CMSS1: variants seen among roughly 807,000 people sequenced by gnomAD.
CMSS1 encodes protein CMSS1.
In CMSS1, 33 loss-of-function variants were observed where a neutral mutation model predicts 43.5. That is an observed-to-expected ratio of 0.76 (90% CI 0.57 to 1.01). The LOEUF is 1.01. Among genes scored for constraint, CMSS1 ranks in the 50% least tolerant of loss-of-function variants. The probability of loss-of-function intolerance (pLI) is 0.00; values close to 1 mark genes in which losing one functional copy is unlikely to be tolerated. For synonymous variants in CMSS1, 115 were observed against 117.2 expected, an observed-to-expected ratio of 0.98 and a Z score of 0.12; for missense variants, 313 against 326.4, an observed-to-expected ratio of 0.96 and a Z score of 0.32.
chr3:100,032,930 C>G (rs1218019428), intron 1 of CMSS1, among the ~76,000 whole-genome samples: 1 of 152,072 alleles, frequency 6.6e-6, no homozygotes, highest in African/African-American at 2.4e-5. Flanking sequence ...GTATTATTCT[C>G]CTGTTGAAAA....
At chr3:100,116,610 G>C (rs1442345135) in intron 1 of CMSS1, among the ~76,000 whole-genome samples, 3 of 152,144 alleles carry the variant, frequency 2.0e-5, no homozygotes, top group Admixed American at 2.0e-4. Context: ...TAATAGGCTA[G>C]GAAACACAAA....
At chr3:99,858,443 C>T (rs929341631) in intron 1 of CMSS1, among the ~76,000 whole-genome samples, 7 of 151,650 alleles carry the variant, frequency 4.6e-5, no homozygotes, top group South Asian at 2.1e-4. Flanking sequence ...CCAGCCTGGG[C>T]GACACAGCAA....
At chr3:100,054,475 A>G (rs1351369226) in intron 1 of CMSS1, among the ~76,000 whole-genome samples, 1 of 145,884 alleles carries the variant, frequency 6.9e-6, no homozygotes. Flanking sequence ...TTCGTTCATT[A>G]TATTATGTTA....
intron 1 of CMSS1, among the ~76,000 whole-genome samples, chr3:99,824,771 G>A (rs1047507883): frequency 2.6e-5 from 4 of 152,168 alleles, no homozygotes; most frequent in South Asian, 2.1e-4. Context: ...TATAAATTAC[G>A]TTTGGAAAGA....
At chr3:100,041,548 T>C (rs1313586230) in intron 1 of CMSS1, among the ~76,000 whole-genome samples, 2 of 152,060 alleles carry the variant, frequency 1.3e-5, no homozygotes, top group African/African-American at 4.8e-5. Context: ...ATTACACACT[T>C]CAACAGGAAT....
chr3:99,983,393 T>A lies in CMSS1; in HGVS notation c.65-163580T>A, dbSNP rs868687922. The stretch of plus-strand genomic sequence containing the variant: ...TACTTAAAAAATAAATAAATAAATA[T>A]ATATATATATATATATATATATATA... On this transcript the variant is annotated intron_variant, in intron 1 of 9. Transcript: ENST00000421999. Among the ~76,000 whole-genome samples, 845 of 86,718 alleles carry A rather than the reference T, an allele frequency of 9.7e-3. 25 individuals carry two copies. The highest frequency in any genetic ancestry group is 0.041 in the African/African-American group (768 of 18,712). 56.9% of individuals were successfully genotyped at this position (86,718 alleles called of 152,430 possible).
Position 99,994,532 on chromosome 3 carries a change from A to G in CMSS1, c.65-152441A>G, listed in dbSNP as rs560439499. On this transcript the variant is annotated intron_variant, in intron 1 of 9. Transcript: ENST00000421999. ...TTTAAAAATCAAAATCATATCAAAT[A>G]TCTTCTCAGAACACAATGGAAAAAG... 1.1e-4 allele frequency among the ~76,000 whole-genome samples: 17 copies of G among 152,360 alleles called. No homozygotes were observed. The East Asian group carries it at 3.3e-3, about 29-fold the overall frequency.
rs746319011 is a variant in CMSS1 at position 100,179,395 on chromosome 3, T to C, written c.*1007T>C. The C allele has an allele frequency of 7.0e-6, 1 of 142,610 alleles. No individual in the cohort carries two copies. Among genetic ancestry groups the C allele is most frequent in the Admixed American group, 6.7e-5 (1 of 14,912 alleles). The allele number at this position is 142,610 out of a possible 1,614,324, so 8.8% of individuals were successfully genotyped here. ...TCCTTCCACCTATGAGCCTGTAAAATAAAAAACAAGTTAGTCATTTCCAAG... is the reference window on the plus strand; with the variant it reads ...TCCTTCCACCTATGAGCCTGTAAAACAAAAAACAAGTTAGTCATTTCCAAG... On this transcript the variant is annotated 3_prime_UTR_variant, in exon 10 of 10. Coordinates refer to ENST00000421999, the MANE Select transcript of CMSS1 (RefSeq NM_032359.4).
chr3:99,882,961 T>C (rs1559674925), intron 1 of CMSS1, among the ~76,000 whole-genome samples: 1 of 152,240 alleles, frequency 6.6e-6, no homozygotes, highest in Non-Finnish European at 1.5e-5. Flanking sequence ...ACTTTTAATA[T>C]AAATTTCTGT....
At position 99,865,582 on chromosome 3, in the gene CMSS1, T is replaced by G. The variant is rs186454151; in HGVS notation, c.64+47539T>G. ...ATTTGGCATAAATTCATAATTATTT[T>G]TGGATGGTTTAAAAAATTGTGACTT... On this transcript the variant is annotated intron_variant, in intron 1 of 9. Transcript: ENST00000421999. Among the ~76,000 whole-genome samples the G allele has an allele frequency of 6.7e-3, 1,022 of 152,252 alleles. 3 individuals carry two copies. The highest frequency in any genetic ancestry group is 8.5e-3 in the African/African-American group (352 of 41,544).
intron 1 of CMSS1, among the ~76,000 whole-genome samples, chr3:100,041,971 T>C (rs1263452378): frequency 1.3e-5 from 2 of 152,188 alleles, no homozygotes; most frequent in African/African-American, 4.8e-5. Context: ...ACCATTGCCA[T>C]TCCTTCCTCT....
At chr3:99,922,034 C>G (rs959565442) in intron 1 of CMSS1, among the ~76,000 whole-genome samples, 1 of 152,208 alleles carries the variant, frequency 6.6e-6, no homozygotes, top group Non-Finnish European at 1.5e-5. Flanking sequence ...CAGAACTCTC[C>G]TCCAATAGCC....
intron 1 of CMSS1, among the ~76,000 whole-genome samples, chr3:100,079,725 T>G (rs2065902531): frequency 6.6e-6 from 1 of 152,090 alleles, no homozygotes; most frequent in East Asian, 1.9e-4. Flanking sequence ...TATTCACACT[T>G]TAGAACAAAA....
At chr3:100,105,156 A>G (rs1228154100) in intron 1 of CMSS1, among the ~76,000 whole-genome samples, 1 of 152,202 alleles carries the variant, frequency 6.6e-6, no homozygotes, top group African/African-American at 2.4e-5. Flanking sequence ...AACAGCATAC[A>G]AACATTTATG....
rs1164106310 is a variant in CMSS1 at position 99,978,571 on chromosome 3, G to C, written c.64+160528G>C. Among the ~76,000 whole-genome samples, 3 of 152,204 alleles carry C rather than the reference G, an allele frequency of 2.0e-5. No homozygotes were observed. The South Asian group carries it at 6.2e-4, about 31-fold the overall frequency. On this transcript the variant is annotated intron_variant, in intron 1 of 9. Transcript: ENST00000421999. The stretch of plus-strand genomic sequence containing the variant: ...ACACACCACATATTCTCATTCATAT[G>C]TGGAAGCTAAAAAAGTCGATCTCAT...
intron 1 of CMSS1, among the ~76,000 whole-genome samples, chr3:99,934,391 T>G (rs768495475): frequency 8.5e-5 from 13 of 152,218 alleles, no homozygotes; most frequent in Non-Finnish European, 1.6e-4. Flanking sequence ...GGTTCTTTAC[T>G]TCTTTTCATT....
chr3:99,989,087 T>G (rs1709438268), intron 1 of CMSS1, among the ~76,000 whole-genome samples: 1 of 152,206 alleles, frequency 6.6e-6, no homozygotes, highest in Admixed American at 6.5e-5. Context: ...TGTTTTGTGA[T>G]TCACTCACAG....
chr3:100,034,529 A>C lies in CMSS1; in HGVS notation c.65-112444A>C, dbSNP rs1378697093. On this transcript the variant is annotated intron_variant, in intron 1 of 9. Transcript: ENST00000421999. ...CCAAAAGGTTCTTTGTGTTGCCTAA[A>C]TAATAGAGGAAATTATTTGGGGCCT... 3.3e-5 allele frequency among the ~76,000 whole-genome samples: 5 copies of C among 152,344 alleles called. No homozygotes were observed. The East Asian group carries it at 9.6e-4, about 29-fold the overall frequency.
chr3:99,823,729 A>G (rs1407114228), intron 1 of CMSS1, among the ~76,000 whole-genome samples: 1 of 152,184 alleles, frequency 6.6e-6, no homozygotes, highest in East Asian at 1.9e-4. Flanking sequence ...ATAGAATGAA[A>G]TTCAGATTAC....
Sources: gnomAD v4.1 joint callset for allele counts (sites outside exome capture counted in the v4.1 genomes callset) on GRCh38, gnomAD v4.1.1 for gene constraint, MANE v1.5 for transcripts, NCBI Gene and HGNC (gene_info 2026-07-23, HGNC 2026-07-21) for gene names.